The following BICDL2 variants were observed in gnomAD, a reference collection of about 807,000 sequenced individuals.
BICDL2 encodes the protein BICD family-like cargo adapter 2.
In BICDL2, 62 loss-of-function variants were observed where a neutral mutation model predicts 56.6. That is an observed-to-expected ratio of 1.10 (90% CI 0.89 to 1.35). The LOEUF (loss-of-function observed/expected upper bound fraction) is 1.35, where lower values mean the gene tolerates loss of function less well. Among genes scored for constraint, BICDL2 ranks in the 40% most tolerant of loss-of-function variants. The probability of loss-of-function intolerance (pLI) is 0.00; values close to 1 mark genes in which losing one functional copy is unlikely to be tolerated. For missense variants in BICDL2, 808 were observed against 684.5 expected (o/e 1.18, Z -2.01); for synonymous variants, 358 against 319.8 (o/e 1.12, Z -1.27).
chr16:3,028,679 G>C (rs778368485), intron 8 of BICDL2, 21 bp downstream of exon 8: 2 of 1,563,974 alleles, frequency 1.3e-6, no homozygotes, highest in East Asian at 4.7e-5. Flanking sequence ...CTGGGGCGGT[G>C]GTCAATGGCT....
At chr16:3,028,649 C>A in intron 8 of BICDL2, 51 bp downstream of exon 8, 1 of 1,545,020 alleles carries the variant, frequency 6.5e-7, no homozygotes, top group East Asian at 2.4e-5. Flanking sequence ...AATCAGGAGC[C>A]CAGGAGGGCC....
At chr16:3,035,947 G>T in intron 1 of BICDL2, 1 of 300,080 alleles carries the variant, frequency 3.3e-6, no homozygotes, top group Non-Finnish European at 6.5e-6. Context: ...TCTCAGGAAT[G>T]CAGGACCCTA....
In BICDL2 at chr16:3,027,726, T is replaced by TA; in HGVS notation, c.*379dup. 1 of 1,121,534 alleles carries TA rather than the reference T, an allele frequency of 8.9e-7. No individual in the cohort carries two copies. 69.5% of individuals were successfully genotyped at this position (1,121,534 alleles called of 1,614,324 possible). ...TTCATTTTCTTTTTTTTTTTTTTTT[T>TA]ACAATAAAGTTTCAGGCTTTTTTAC... On this transcript the variant is annotated 3_prime_UTR_variant, in exon 10 of 10. Coordinates refer to ENST00000572449, the MANE Select transcript of BICDL2 (RefSeq NM_001369667.1).
intron 2 of BICDL2, 35 bp from the exon 3 acceptor site, chr16:3,031,185 A>G (rs562800544): frequency 8.6e-6 from 13 of 1,519,416 alleles, no homozygotes; most frequent in South Asian, 6.0e-5. Flanking sequence ...AGAGGCAGAG[A>G]GGCACCGATG....
intron 2 of BICDL2, among the ~76,000 whole-genome samples, chr16:3,033,671 A>G (rs929177487): frequency 6.6e-6 from 1 of 151,998 alleles, no homozygotes; most frequent in Non-Finnish European, 1.5e-5. Flanking sequence ...TGTAGTCCCA[A>G]CTACTCAGGA....
At chr16:3,029,943 G>T (rs1358450632) in intron 5 of BICDL2, 2 of 544,568 alleles carry the variant, frequency 3.7e-6, no homozygotes, top group East Asian at 3.3e-5. Flanking sequence ...ATAGAGCAGG[G>T]CCGCACCTCG....
intron 2 of BICDL2, 98 bp downstream of exon 2, chr16:3,035,117 C>T: frequency 8.2e-7 from 1 of 1,224,838 alleles, no homozygotes; most frequent in Non-Finnish European, 1.1e-6. Flanking sequence ...CCCAGCTCCT[C>T]TCTCCTTCCC....
intron 5 of BICDL2, 76 bp downstream of exon 5, chr16:3,030,373 G>T (rs1432293005): frequency 2.6e-6 from 4 of 1,524,132 alleles, no homozygotes; most frequent in Admixed American, 3.8e-5. Flanking sequence ...ATCCAGCTCC[G>T]GCCTCATCTC....
At chr16:3,031,842 A>G (rs1185538316) in intron 2 of BICDL2, 1 of 288,354 alleles carries the variant, frequency 3.5e-6, no homozygotes, top group Non-Finnish European at 6.4e-6. Flanking sequence ...GAGAATCACT[A>G]ACGTCCTGGG....
chr16:3,034,693 CCCTT>C (rs1489181490), intron 2 of BICDL2, among the ~76,000 whole-genome samples: 28 of 107,688 alleles, frequency 2.6e-4, no homozygotes, highest in African/African-American at 6.4e-4. Context: ...TCCTTCCTTC[CCCTT>C]CCTTCCTTCC....
rs755123200 is a variant in BICDL2 at position 3,029,681 on chromosome 16, C to A, written c.821G>T (p.Arg274Leu). 2.6e-6 allele frequency: 4 copies of A among 1,540,598 alleles called. No homozygotes were observed. Among genetic ancestry groups the A allele is most frequent in the Non-Finnish European group, 3.5e-6 (4 of 1,149,268 alleles). ...EALSALRRLQ[R>L]RVSELEEESR... ...CTCCTCCTCCAGCTCGGAGACGCGCCGCTGCAGCCTCCGCAGCGCACTCAG... is the reference window on the plus strand; with the variant it reads ...CTCCTCCTCCAGCTCGGAGACGCGCAGCTGCAGCCTCCGCAGCGCACTCAG... The change falls in exon 6 of 10, where the codon CGG (arginine) becomes CTG (leucine). Residue 274 changes from arginine (R) to leucine (L), a missense_variant. Physicochemically the swap from Arg to Leu is moderately radical, Grantham distance 102. Transcript: ENST00000572449.
Position 3,027,734 on chromosome 16 carries a change from A to G in BICDL2, c.*372T>C. The G allele has an allele frequency of 6.8e-7, 1 of 1,460,856 alleles. No homozygotes were observed. The highest frequency in any genetic ancestry group is 9.2e-7 in the Non-Finnish European group (1 of 1,087,514). 90.5% of individuals were successfully genotyped at this position (1,460,856 alleles called of 1,614,324 possible). On this transcript the variant is annotated 3_prime_UTR_variant, in exon 10 of 10. Transcript: ENST00000572449. ...CTTTTTTTTTTTTTTTTTACAATAAAGTTTCAGGCTTTTTTACCATGCTCT... is the reference window on the plus strand; with the variant it reads ...CTTTTTTTTTTTTTTTTTACAATAAGGTTTCAGGCTTTTTTACCATGCTCT...
chr16:3,030,173 C>T (rs1172610490), intron 5 of BICDL2: 2 of 506,960 alleles, frequency 3.9e-6, no homozygotes, highest in Non-Finnish European at 7.0e-6. Context: ...GTCTCCATTG[C>T]GCAGCCGTGG....
chr16:3,031,014 TGCTGCTCTGAGC>T lies in BICDL2; in HGVS notation c.407_418del (p.Arg136_Gln139del). ...CCGTGCCCGTTCTCGCCCACTGTCCTGCTGCTCTGAGCGCTGCTCCCCAAGCTGGGCCCGCAG... is the reference window on the plus strand; with the variant it reads ...CCGTGCCCGTTCTCGCCCACTGTCCTGCTGCTCCCCAAGCTGGGCCCGCAG... On this transcript the variant is annotated inframe_deletion, in exon 3 of 10. Transcript: ENST00000572449. 1 of 1,551,986 alleles carries T rather than the reference TGCTGCTCTGAGC, an allele frequency of 6.4e-7. No individual in the cohort carries two copies. The highest frequency in any genetic ancestry group is 8.7e-7 in the Non-Finnish European group (1 of 1,154,986).
chr16:3,031,267 G>T (rs1955650775), intron 2 of BICDL2, 117 bp from the exon 3 acceptor site: 1 of 835,272 alleles, frequency 1.2e-6, no homozygotes, highest in Non-Finnish European at 1.8e-6. Flanking sequence ...GGGGCCTTGT[G>T]TCCAAGACAG....
rs751051666 is a variant in BICDL2, at chr16:3,029,430, C to T, written c.958-1G>A. Reference sequence around the variant, plus strand: ...TTCGGGTCTTTGGGGACCGGGTGGTCTGTGGGCCAAAGAAATGGGTTAGTG... The same window carrying T: ...TTCGGGTCTTTGGGGACCGGGTGGTTTGTGGGCCAAAGAAATGGGTTAGTG... On this transcript the variant is annotated splice_acceptor_variant, in intron 6 of 9. Transcript: ENST00000572449. LOFTEE classifies it high-confidence loss of function. The T allele has an allele frequency of 4.4e-6, 7 of 1,601,636 alleles. No individual in the cohort carries two copies. The highest frequency in any genetic ancestry group is 5.9e-6 in the Non-Finnish European group (7 of 1,177,410).
chr16:3,035,191 C>T, intron 2 of BICDL2, 24 bp downstream of exon 2: 2 of 263,166 alleles, frequency 7.6e-6, no homozygotes, highest in Non-Finnish European at 1.6e-5. Flanking sequence ...ACCCACCCAC[C>T]CACCCCGTCC....
At position 3,028,849 on chromosome 16, in the gene BICDL2, G is replaced by C. The variant is rs1463166375; in HGVS notation, c.1108-19C>G. The C allele has an allele frequency of 6.5e-7, 1 of 1,532,932 alleles. No homozygotes were observed. Among genetic ancestry groups the C allele is most frequent in the Non-Finnish European group, 8.7e-7 (1 of 1,142,876 alleles). The allele number at this position is 1,532,932 out of a possible 1,614,324, so 95.0% of individuals were successfully genotyped here. A position where few individuals can be genotyped will look rare whatever the true frequency, so the allele number is the denominator to read the frequency against. ...GCGAGATCTGTGAGCAGAGGAGGGGGGCCGTGCGGCAGATGGGCCAATGGG... is the reference window on the plus strand; with the variant it reads ...GCGAGATCTGTGAGCAGAGGAGGGGCGCCGTGCGGCAGATGGGCCAATGGG... On this transcript the variant is annotated intron_variant, in intron 7 of 9. Transcript: ENST00000572449.
chr16:3,030,697 T>C lies in BICDL2; in HGVS notation c.614A>G (p.Glu205Gly). 6.2e-7 allele frequency: 1 copy of C among 1,609,808 alleles called. No homozygotes were observed. Residue 205 changes from glutamate to glycine, a missense_variant and splice_region_variant, in exon 4 of 10, where the codon GAA becomes GGA. Glu to Gly is a moderately conservative substitution (Grantham distance 98). Coordinates refer to ENST00000572449, the MANE Select transcript of BICDL2 (RefSeq NM_001369667.1). ...CCCCCAGCCCCAGCTGACACTCACT[T>C]CCCCCTGCAGACTCTCCAGCCGCGT... Reference protein sequence around the residue: ...LRTRLESLQGENQMLQSRRQD... With the variant: ...LRTRLESLQGGNQMLQSRRQD...
Sources: gnomAD v4.1 joint callset for allele counts (sites outside exome capture counted in the v4.1 genomes callset) on GRCh38, gnomAD v4.1.1 for gene constraint, MANE v1.5 for transcripts, NCBI Gene and HGNC (gene_info 2026-07-23, HGNC 2026-07-21) for gene names.